Variants in PCDHA6 observed in about 807,000 individuals in gnomAD.
PCDHA6 encodes protocadherin alpha-6.
Under a neutral mutation model 60.3 loss-of-function variants are expected in PCDHA6, and 55 were observed. The ratio of observed to expected loss-of-function variants is 0.91; its 90% CI spans 0.73 to 1.14. PCDHA6 has a LOEUF of 1.14. Among genes scored for constraint, PCDHA6 ranks in the 50% most tolerant of loss-of-function variants. The pLI is 0.00. For missense variants in PCDHA6, 1,327 were observed against 1,256.5 expected, an observed-to-expected ratio of 1.06 and a Z score of -0.85; for synonymous variants, 652 against 557.9, an observed-to-expected ratio of 1.17 and a Z score of -2.38.
chr5:140,835,906 T>G (rs2150248059), intron 1 of PCDHA6: 2 of 1,612,190 alleles, frequency 1.2e-6, no homozygotes, highest in Admixed American at 1.7e-5. Flanking sequence ...TCGAGCTACG[T>G]GTCAGTGCAC....
intron 1 of PCDHA6, chr5:140,853,989 C>A: frequency 4.0e-6 from 2 of 494,684 alleles, no homozygotes; most frequent in Non-Finnish European, 5.4e-6. Context: ...TGTAGTGAGA[C>A]TCATCTCTGC....
Position 141,010,653 on chromosome 5 carries a change from A to G in PCDHA6, c.*716A>G. On this transcript the variant is annotated 3_prime_UTR_variant, in exon 4 of 4. Transcript: ENST00000529310. ...TGCAAGCCAACAGTTCAGTGTTTTA[A>G]CAGAGAACCACCCTGGGAAACAGAA... 5.9e-6 allele frequency: 1 copy of G among 170,180 alleles called. No individual in the cohort carries two copies. The highest frequency in any genetic ancestry group is 1.3e-5 in the Non-Finnish European group (1 of 78,244). 10.5% of individuals were successfully genotyped at this position (170,180 alleles called of 1,614,324 possible). A position where few individuals can be genotyped will look rare whatever the true frequency, so the allele number is the denominator to read the frequency against.
rs1554164208 is a variant in PCDHA6 at position 140,870,406 on chromosome 5, T to G, written c.2394+39921T>G. ...GCGGGATGGGGGTTCGCCTTCTCTG[T>G]GGGCCACGGCCAGGGTATCCGTGGA... On this transcript the variant is annotated intron_variant, in intron 1 of 3. Transcript: ENST00000529310. 1.2e-5 allele frequency: 20 copies of G among 1,614,192 alleles called. No individual in the cohort carries two copies. The highest frequency in any genetic ancestry group is 1.5e-5 in the Non-Finnish European group (18 of 1,180,034).
intron 1 of PCDHA6, among the ~76,000 whole-genome samples, chr5:140,962,185 C>T (rs782495435): frequency 6.6e-5 from 10 of 152,126 alleles, no homozygotes; most frequent in Non-Finnish European, 1.3e-4. Flanking sequence ...ACTTATATCA[C>T]TTTTATGCTT....
intron 1 of PCDHA6, among the ~76,000 whole-genome samples, chr5:140,950,042 T>C (rs2153688283): frequency 6.6e-6 from 1 of 152,082 alleles, no homozygotes; most frequent in South Asian, 2.1e-4. Flanking sequence ...GTTACAACCA[T>C]ATAAGACTAT....
chr5:140,982,544 A>G lies in PCDHA6; in HGVS notation c.2523A>G (p.Thr841=), dbSNP rs781800144. 1.5e-5 allele frequency: 25 copies of G among 1,614,098 alleles called. No individual in the cohort carries two copies. Among genetic ancestry groups the G allele is most frequent in the Non-Finnish European group, 2.1e-5 (25 of 1,180,048 alleles). Residue 841 remains threonine (T), a synonymous_variant, in exon 3 of 4, where the codon ACA becomes ACG. Coordinates refer to ENST00000529310, the MANE Select transcript of PCDHA6 (RefSeq NM_018909.4). ...GAGGGCCTGATCAGCAGTGGCCAAC[A>G]GTATCCAGTGCAACACCAGGTAAAG... The part of the protein sequence containing the change: ...GPGGPDQQWP[T]VSSATPEPEA...
Position 140,829,464 on chromosome 5 carries a change from C to T in PCDHA6, c.1373C>T (p.Pro458Leu). 1 of 1,613,860 alleles carries T rather than the reference C, an allele frequency of 6.2e-7. No homozygotes were observed. Among genetic ancestry groups the T allele is most frequent in the Non-Finnish European group, 8.5e-7 (1 of 1,180,028 alleles). ...GACAATGCTCCGGCGTTCGCGCAGC[C>T]CGAGTACACAGTGTTCGTGAAGGAG... is the stretch of plus-strand genomic sequence containing the variant. Reference protein sequence around the residue: ...MNDNAPAFAQPEYTVFVKENN... With the variant: ...MNDNAPAFAQLEYTVFVKENN... The change falls in exon 1 of 4, where the codon CCC becomes CTC. Residue 458 changes from proline to leucine, a missense_variant. By Grantham distance (98) the Pro-to-Leu change is moderately conservative. Coordinates refer to ENST00000529310, the MANE Select transcript of PCDHA6 (RefSeq NM_018909.4).
chr5:140,934,053 G>A (rs2089601827), intron 1 of PCDHA6, among the ~76,000 whole-genome samples: 1 of 151,758 alleles, frequency 6.6e-6, no homozygotes, highest in African/African-American at 2.4e-5. Flanking sequence ...GTCTTTCCAA[G>A]GCTAACTTTT....
chr5:140,858,449 G>C, intron 1 of PCDHA6: 1 of 1,532,030 alleles, frequency 6.5e-7, no homozygotes, highest in East Asian at 2.4e-5. Context: ...GGGTTATTAC[G>C]TTTTCATTTT....
At chr5:140,860,134 T>C (rs1179708512) in intron 1 of PCDHA6, 1 of 150,772 alleles carries the variant, frequency 6.6e-6, no homozygotes, top group African/African-American at 2.4e-5. Flanking sequence ...TGTGTGTGTG[T>C]ATATATATGT....
chr5:140,836,159 G>C, intron 1 of PCDHA6: 1 of 1,613,838 alleles, frequency 6.2e-7, no homozygotes, highest in Non-Finnish European at 8.5e-7. Context: ...ATGTGGTGGC[G>C]AAGGTACGTG....
intron 1 of PCDHA6, chr5:140,875,246 C>T: frequency 1.0e-6 from 1 of 955,372 alleles, no homozygotes; most frequent in Non-Finnish European, 1.5e-6. Context: ...CTTACATAAT[C>T]AGTCACATGA....
Position 140,877,000 on chromosome 5 carries a change from G to A in PCDHA6, c.2394+46515G>A, listed in dbSNP as rs191376557. The stretch of plus-strand genomic sequence containing the variant: ...GCACGCACTGTCGAGCTACGTGTCG[G>A]TGCACGCGGAGAGCGGCAAGGTGTA... On this transcript the variant is annotated intron_variant, in intron 1 of 3. Transcript: ENST00000529310. 1.7e-3 allele frequency: 2,818 copies of A among 1,612,598 alleles called. 5 individuals carry two copies. The highest frequency in any genetic ancestry group is 1.8e-3 in the Non-Finnish European group (2,166 of 1,179,806).
intron 1 of PCDHA6, chr5:140,836,241 A>C: frequency 6.2e-7 from 1 of 1,613,778 alleles, no homozygotes; most frequent in Non-Finnish European, 8.5e-7. Context: ...CGGTGCGAGC[A>C]TCCCGTTCCG....
intron 1 of PCDHA6, among the ~76,000 whole-genome samples, chr5:140,911,201 C>G: frequency 6.6e-6 from 1 of 152,110 alleles, no homozygotes; most frequent in Non-Finnish European, 1.5e-5. Context: ...GACATGTTGC[C>G]ACTACTGGGG....
chr5:140,982,420 G>A, intron 2 of PCDHA6, 55 bp from the exon 3 acceptor site: 1 of 1,611,062 alleles, frequency 6.2e-7, no homozygotes, highest in Non-Finnish European at 8.5e-7. Context: ...GGTGGAAGAA[G>A]AGATGGGAAA....
In PCDHA6 at chr5:140,848,792, C is replaced by T; in HGVS notation, c.2394+18307C>T. 3.8e-6 allele frequency: 6 copies of T among 1,592,840 alleles called. 1 individual carries two copies. Among genetic ancestry groups the T allele is most frequent in the Non-Finnish European group, 5.2e-6 (6 of 1,163,812 alleles). On this transcript the variant is annotated intron_variant, in intron 1 of 3. Coordinates refer to ENST00000529310, the MANE Select transcript of PCDHA6 (RefSeq NM_018909.4). ...ACCGCGAGGAGCTGTGCGGGCGGAG[C>T]GCGGAGTGCAGCATCCACCTGGAGG... is the stretch of plus-strand genomic sequence containing the variant.
At chr5:140,964,840 C>G (rs1270845085) in intron 1 of PCDHA6, among the ~76,000 whole-genome samples, 1 of 152,152 alleles carries the variant, frequency 6.6e-6, no homozygotes, top group Non-Finnish European at 1.5e-5. Flanking sequence ...GCTTCCTACT[C>G]TGTACCCTTG....
intron 1 of PCDHA6, chr5:140,841,216 G>T: frequency 7.1e-7 from 1 of 1,417,674 alleles, no homozygotes; most frequent in South Asian, 1.4e-5. Flanking sequence ...GTCTCTAAAG[G>T]CCGAACAACG....
Sources: gnomAD v4.1 joint callset for allele counts (sites outside exome capture counted in the v4.1 genomes callset) on GRCh38, gnomAD v4.1.1 for gene constraint, MANE v1.5 for transcripts, NCBI Gene and HGNC (gene_info 2026-07-23, HGNC 2026-07-21) for gene names.